ABCA7: variants seen among roughly 807,000 people sequenced by gnomAD.
ABCA7 encodes the protein ATP binding cassette subfamily A member 7.
ABCA7 carries 261 observed loss-of-function variants against 227.6 expected under a neutral mutation model. The observed-to-expected ratio is 1.15, with a 90% CI of 1.04 to 1.27. The LOEUF is 1.27. Ranked by LOEUF, ABCA7 falls within the 50% of genes most tolerant of loss-of-function variation. The pLI, the probability that ABCA7 is intolerant of heterozygous loss-of-function variation, is 0.00. For missense variants in ABCA7, 3,331 were observed against 2,924.5 expected, an observed-to-expected ratio of 1.14 and a Z score of -3.21; for synonymous variants, 1,488 against 1,279.7, an observed-to-expected ratio of 1.16 and a Z score of -3.47.
chr19:1,041,986 A>C lies in ABCA7; in HGVS notation c.302+14A>C. The stretch of plus-strand genomic sequence containing the variant: ...CAACGACTCCCTGTGAGCCAGAGGC[A>C]GTGGGTGCGGCCGGCCTGCAAACTC... On this transcript the variant is annotated intron_variant, in intron 4 of 46. Transcript: ENST00000263094. 1 of 1,579,124 alleles carries C rather than the reference A, an allele frequency of 6.3e-7. No homozygotes were observed. Among genetic ancestry groups the C allele is most frequent in the South Asian group, 1.1e-5 (1 of 89,168 alleles).
chr19:1,058,761 A>G lies in ABCA7; in HGVS notation c.5279+14A>G. On this transcript the variant is annotated intron_variant, in intron 38 of 46. Coordinates refer to ENST00000263094, the MANE Select transcript of ABCA7 (RefSeq NM_019112.4). ...ACTCCTGCCACAGTTAGTGAGGTCTATGGAGAGGGTGGCAGGGGCCAAGGA... is the reference window on the plus strand; with the variant it reads ...ACTCCTGCCACAGTTAGTGAGGTCTGTGGAGAGGGTGGCAGGGGCCAAGGA... The G allele has an allele frequency of 6.2e-7, 1 of 1,610,486 alleles. No homozygotes were observed. Among genetic ancestry groups the G allele is most frequent in the Non-Finnish European group, 8.5e-7 (1 of 1,177,998 alleles).
intron 42 of ABCA7, among the ~76,000 whole-genome samples, chr19:1,062,913 C>T (rs372666452): frequency 1.2e-4 from 16 of 136,540 alleles, no homozygotes; most frequent in Middle Eastern, 4.2e-3. Flanking sequence ...ACCATGGCCC[C>T]GCCCCATACT....
chr19:1,064,380 TAGATTGTC>T, intron 45 of ABCA7, 127 bp downstream of exon 45: 1 of 1,101,330 alleles, frequency 9.1e-7, no homozygotes, highest in Non-Finnish European at 1.3e-6. Flanking sequence ...GCCAAGGCTT[TAGATTGTC>T]CTGCAGGGGT....
chr19:1,050,831 A>AT (rs373493971), intron 18 of ABCA7, 90 bp from the exon 19 acceptor site: 2 of 973,954 alleles, frequency 2.1e-6, no homozygotes, highest in South Asian at 4.2e-5. Flanking sequence ...ATAATTAAAA[A>AT]TTTTTTAAAA....
intron 23 of ABCA7, 77 bp from the exon 24 acceptor site, chr19:1,053,252 C>T: frequency 6.9e-7 from 1 of 1,450,920 alleles, no homozygotes. Context: ...CCTCACAGGT[C>T]ACCAATGCCT....
In ABCA7 at chr19:1,056,926, G is replaced by A. The variant is rs371168746; in HGVS notation, c.4606G>A (p.Val1536Ile). 3.3e-5 allele frequency: 53 copies of A among 1,613,706 alleles called. No homozygotes were observed. Among genetic ancestry groups the A allele is most frequent in the South Asian group, 1.1e-4 (10 of 91,068 alleles). ...EGALMASSVD[V>I]LVSICVVFAM... ...CTCCAGGATGGCCTCCTCGGTGGAC[G>A]TCCTCGTCTCCATCTGTGTGGTCTT... is the stretch of plus-strand genomic sequence containing the variant. The change falls in exon 34 of 47, where the codon GTC becomes ATC. Residue 1536 changes from valine to isoleucine, a missense_variant. Val to Ile is a conservative substitution (Grantham distance 29, BLOSUM62 3). Transcript: ENST00000263094. The surrounding 1 kb of genome is among the most constrained non-coding windows in gnomAD (Gnocchi z 4.3).
In ABCA7 at chr19:1,051,002, C is replaced by T. The variant is rs1332127118; in HGVS notation, c.2634C>T (p.Ala878=). 7 of 1,612,318 alleles carry T rather than the reference C, an allele frequency of 4.3e-6. No individual in the cohort carries two copies. In the South Asian group the frequency reaches 7.7e-5, roughly 18 times the overall value. ...LGHDVRSSMA[A]IRPHLGVCPQ... ...ACGACGTCCGCTCCAGCATGGCCGC[C>T]ATCCGGCCCCACCTGGGCGTCTGTC... Residue 878 remains alanine (A), a synonymous_variant, in exon 19 of 47, where the codon GCC becomes GCT. Transcript: ENST00000263094.
Position 1,061,871 on chromosome 19 carries a change from T to A in ABCA7, c.5553T>A (p.Ala1851=). 6.3e-7 allele frequency: 1 copy of A among 1,596,428 alleles called. No homozygotes were observed. Residue 1851 remains alanine (A), a synonymous_variant, in exon 41 of 47, where the codon GCT becomes GCA. Coordinates refer to ENST00000263094, the MANE Select transcript of ABCA7 (RefSeq NM_019112.4). The stretch of plus-strand genomic sequence containing the variant: ...ACACATTGGCCAGCAGGGGCGAGGC[T>A]GTGCTGGCAGGCCACAGGTGAGGGG... ...TGDTLASRGE[A]VLAGHSVARE...
In ABCA7 at chr19:1,047,441, G is replaced by T. The variant is rs559499410; in HGVS notation, c.2068-12G>T. ...CGCTTCGGCCGCTCACTGACCGCCC[G>T]CTTTTCCGCAGAGCCTGCTGTCGCC... is the stretch of plus-strand genomic sequence containing the variant. On this transcript the variant is annotated splice_polypyrimidine_tract_variant and intron_variant, in intron 15 of 46. Transcript: ENST00000263094. 3 of 1,539,042 alleles carry T rather than the reference G, an allele frequency of 1.9e-6. No individual in the cohort carries two copies. Among genetic ancestry groups the T allele is most frequent in the African/African-American group, 2.7e-5 (2 of 73,316 alleles).
At position 1,047,131 on chromosome 19, in the gene ABCA7, C is replaced by T. The variant is rs763286354; in HGVS notation, c.1846-26C>T. ...CCCCCAGGCCAATCCAGGAGCTGCA[C>T]CCTAAGCTCCCGTTGCCTCTCACAG... On this transcript the variant is annotated intron_variant, in intron 14 of 46. Transcript: ENST00000263094. The T allele has an allele frequency of 6.6e-5, 105 of 1,583,614 alleles. No individual in the cohort carries two copies. The South Asian group carries it at 1.0e-3, about 15-fold the overall frequency.
In ABCA7 at chr19:1,058,052, C is replaced by T; in HGVS notation, c.5018C>T (p.Ser1673Phe). The part of the protein sequence containing the change: ...SMATFVLELF[S>F]DQKLQEVSRI... ...GCCACCTTTGTGCTTGAGCTCTTCT[C>T]TGATCAGGTGGGGCACCACGAGGCT... The change falls in exon 36 of 47, where the codon TCT becomes TTT. Residue 1673 changes from serine to phenylalanine, a missense_variant. Transcript: ENST00000263094. The T allele has an allele frequency of 6.2e-7, 1 of 1,614,156 alleles. No homozygotes were observed. The highest frequency in any genetic ancestry group is 8.5e-7 in the Non-Finnish European group (1 of 1,180,028).
At chr19:1,053,075 G>T (rs904952961) in intron 23 of ABCA7, among the ~76,000 whole-genome samples, 7 of 152,134 alleles carry the variant, frequency 4.6e-5, no homozygotes, top group African/African-American at 1.7e-4. Context: ...TGCATTTTTG[G>T]TAGAAATGGG....
chr19:1,041,361 C>T lies in ABCA7; in HGVS notation c.-1C>T. 1 of 1,614,022 alleles carries T rather than the reference C, an allele frequency of 6.2e-7. No homozygotes were observed. The highest frequency in any genetic ancestry group is 8.5e-7 in the Non-Finnish European group (1 of 1,180,012). ...TGTCCCGTCCCCTGCCCAGTCTCAC[C>T]ATGGCCTTCTGGACACAGCTGATGC... On this transcript the variant is annotated 5_prime_UTR_variant, in exon 2 of 47. Transcript: ENST00000263094.
Position 1,044,619 on chromosome 19 carries a change from C to T in ABCA7, c.1090C>T (p.Pro364Ser), listed in dbSNP as rs767214073. 1.9e-6 allele frequency: 3 copies of T among 1,613,264 alleles called. No homozygotes were observed. The highest frequency in any genetic ancestry group is 2.5e-6 in the Non-Finnish European group (3 of 1,179,952). Residue 364 changes from proline (P) to serine (S), a missense_variant, in exon 11 of 47, where the codon CCT becomes TCT. Transcript: ENST00000263094. Reference sequence around the variant, plus strand: ...GGATGAAGGAAGAAGGCAGCCCAGACCTGGAGGCCGGGACCACATGGAGGC... The same window carrying T: ...GGATGAAGGAAGAAGGCAGCCCAGATCTGGAGGCCGGGACCACATGGAGGC... ...MQDEGRRQPR[P>S]GGRDHMEALR...
At position 1,049,292 on chromosome 19, in the gene ABCA7, C is replaced by T. The variant is rs751127429; in HGVS notation, c.2407C>T (p.Leu803=). ...GCTGGTAGAAGAGGCACCGCCCGGC[C>T]TGAGTCCTGGCGTCTCCGTTCGCAG... ...KVLVEEAPPG[L]SPGVSVRSLE... Residue 803 remains leucine (L), a synonymous_variant, in exon 18 of 47, where the codon CTG becomes TTG. Coordinates refer to ENST00000263094, the MANE Select transcript of ABCA7 (RefSeq NM_019112.4). 4 of 1,609,980 alleles carry T rather than the reference C, an allele frequency of 2.5e-6. No homozygotes were observed. The highest frequency in any genetic ancestry group is 2.7e-5 in the African/African-American group (2 of 74,882).
intron 35 of ABCA7, among the ~76,000 whole-genome samples, 189 bp downstream of exon 35, chr19:1,057,618 T>C (rs1295150718): frequency 5.9e-5 from 9 of 152,082 alleles, no homozygotes; most frequent in Non-Finnish European, 1.2e-4. Context: ...CTGACTCATA[T>C]TAGTAGAGTT....
Position 1,058,869 on chromosome 19 carries a change from G to GCC in ABCA7, c.5331_5332dup (p.Arg1778ProfsTer19). 6.3e-7 allele frequency: 1 copy of GCC among 1,578,784 alleles called. No individual in the cohort carries two copies. Among genetic ancestry groups the GCC allele is most frequent in the Non-Finnish European group, 8.6e-7 (1 of 1,159,074 alleles). ...CCTGGGAGAGGAGGACGAGGATGTA[G>GCC]CCCGTGAACGGGAGCGGGTGGTCCA... On this transcript the variant is annotated frameshift_variant, in exon 39 of 47. Transcript: ENST00000263094. LOFTEE classifies it high-confidence loss of function.
chr19:1,064,748 G>A (rs1386019378), intron 45 of ABCA7, 183 bp from the exon 46 acceptor site: 2 of 977,112 alleles, frequency 2.0e-6, no homozygotes, highest in Non-Finnish European at 2.9e-6. Context: ...GGACATGGTG[G>A]TGTGTGCCTG....
chr19:1,063,327 C>T (rs1238583396), intron 42 of ABCA7, among the ~76,000 whole-genome samples: 9 of 120,290 alleles, frequency 7.5e-5, no homozygotes, highest in African/African-American at 2.8e-4. Flanking sequence ...TCCACCCACA[C>T]CATGGCCCCG....
Sources: allele counts gnomAD v4.1 joint callset (sites outside exome capture counted in the v4.1 genomes callset), GRCh38; gene constraint gnomAD v4.1.1; non-coding constraint Gnocchi (gnomAD v3.1); transcripts MANE v1.5; gene names NCBI Gene and HGNC (gene_info 2026-07-23, HGNC 2026-07-21).